The following DCAF1 variants were observed in gnomAD, a reference collection of about 807,000 sequenced individuals.
DCAF1 encodes the protein DDB1 and CUL4 associated factor 1.
Under a neutral mutation model 128.0 loss-of-function variants are expected in DCAF1, and 15 were observed. The ratio of observed to expected loss-of-function variants is 0.12; its 90% CI spans 0.08 to 0.18. The LOEUF (loss-of-function observed/expected upper bound fraction) is 0.18, where lower values mean the gene tolerates loss of function less well. Among genes scored for constraint, DCAF1 ranks in the 10% least tolerant of loss-of-function variants. DCAF1 has a pLI of 1.00. For synonymous variants in DCAF1, 610 were observed against 603.0 expected, an observed-to-expected ratio of 1.01 and a Z score of -0.17; for missense variants, 988 against 1,649.5, an observed-to-expected ratio of 0.60 and a Z score of 6.95.
At position 51,432,288 on chromosome 3, in the gene DCAF1, A is replaced by AAG. The variant is rs1553635810; in HGVS notation, c.1287+817_1287+818insCT. Among the ~76,000 whole-genome samples the AAG allele has an allele frequency of 6.7e-5, 10 of 148,790 alleles. No homozygotes were observed. The East Asian group carries it at 1.2e-3, about 18-fold the overall frequency. On this transcript the variant is annotated intron_variant, in intron 10 of 24. Coordinates refer to ENST00000684031, the MANE Select transcript of DCAF1 (RefSeq NM_001387579.1). ...TCTGTAAAAAAAAAAAAAAAAAAAAAGTATAAAAAGTAGCCAGGCATGGTG... is the reference window on the plus strand; with the variant it reads ...TCTGTAAAAAAAAAAAAAAAAAAAAAAGGTATAAAAAGTAGCCAGGCATGGTG...
At chr3:51,411,425 G>A (rs1348954610) in intron 23 of DCAF1, among the ~76,000 whole-genome samples, 4 of 149,700 alleles carry the variant, frequency 2.7e-5, no homozygotes, top group Non-Finnish European at 2.9e-5. Flanking sequence ...CCTGTAGGCT[G>A]GAAAAAATCT....
chr3:51,451,663 G>A (rs1288946316), intron 6 of DCAF1, among the ~76,000 whole-genome samples: 3 of 151,468 alleles, frequency 2.0e-5, no homozygotes, highest in Admixed American at 6.6e-5. Flanking sequence ...ACGGGAGGCC[G>A]AGGCAGGAGA....
intron 23 of DCAF1, among the ~76,000 whole-genome samples, chr3:51,408,736 G>A (rs1553627486): frequency 1.3e-5 from 2 of 152,276 alleles, no homozygotes; most frequent in South Asian, 2.1e-4. Context: ...GTATTATCCC[G>A]TATCTCTAAA....
intron 2 of DCAF1, among the ~76,000 whole-genome samples, chr3:51,484,494 T>G (rs1291867620): frequency 1.3e-5 from 2 of 151,622 alleles, no homozygotes; most frequent in Non-Finnish European, 2.9e-5. Flanking sequence ...AAAATAGATT[T>G]ACCTAATGCC....
chr3:51,450,369 C>A (rs1268015418), intron 6 of DCAF1, among the ~76,000 whole-genome samples: 1 of 152,048 alleles, frequency 6.6e-6, no homozygotes, highest in Non-Finnish European at 1.5e-5. Flanking sequence ...AAATCCTCAA[C>A]AAAATACTAG....
chr3:51,423,819 C>CAAA (rs200404018), intron 13 of DCAF1, among the ~76,000 whole-genome samples: 2 of 70,654 alleles, frequency 2.8e-5, no homozygotes, highest in Non-Finnish European at 3.2e-5. Flanking sequence ...GACTCCGTTT[C>CAAA]AAAAAAAAAA....
chr3:51,402,517 C>T (rs2089784637), intron 24 of DCAF1, among the ~76,000 whole-genome samples: 1 of 150,438 alleles, frequency 6.6e-6, no homozygotes, highest in Non-Finnish European at 1.5e-5. Flanking sequence ...TTTCTCACTA[C>T]AACAGCAGAG....
At chr3:51,461,612 C>T (rs1398988046) in intron 6 of DCAF1, among the ~76,000 whole-genome samples, 4 of 152,130 alleles carry the variant, frequency 2.6e-5, no homozygotes, top group East Asian at 1.9e-4. Flanking sequence ...CACATTCACA[C>T]GTATGTTTAT....
intron 2 of DCAF1, among the ~76,000 whole-genome samples, chr3:51,493,869 C>A (rs548925868): frequency 6.6e-6 from 1 of 151,268 alleles, no homozygotes; most frequent in Non-Finnish European, 1.5e-5. Flanking sequence ...TGGTGGCATG[C>A]GCCTGTAGTC....
chr3:51,411,514 C>G (rs1191676892), intron 23 of DCAF1, among the ~76,000 whole-genome samples: 1 of 152,120 alleles, frequency 6.6e-6, no homozygotes, highest in Non-Finnish European at 1.5e-5. Flanking sequence ...CGTAATACAA[C>G]CACAAATTAA....
intron 7 of DCAF1, among the ~76,000 whole-genome samples, chr3:51,442,140 C>T (rs1465031747): frequency 6.6e-6 from 1 of 152,150 alleles, no homozygotes; most frequent in Non-Finnish European, 1.5e-5. Flanking sequence ...ACATAAAATA[C>T]ATCATTGACA....
intron 2 of DCAF1, among the ~76,000 whole-genome samples, chr3:51,489,926 A>AC (rs1707438607): frequency 6.6e-6 from 1 of 152,148 alleles, no homozygotes; most frequent in African/African-American, 2.4e-5. Flanking sequence ...TCCTGTATAC[A>AC]GAAAATCCTA....
intron 13 of DCAF1, among the ~76,000 whole-genome samples, chr3:51,423,504 C>T (rs1446015677): frequency 9.0e-6 from 1 of 111,390 alleles, no homozygotes; most frequent in Non-Finnish European, 1.9e-5. Flanking sequence ...TCTGTCTCCA[C>T]AAAAAAAAAA....
chr3:51,470,885 TAAAAG>T (rs1704659679), intron 4 of DCAF1, 39 bp downstream of exon 4: 1 of 1,415,154 alleles, frequency 7.1e-7, no homozygotes, highest in South Asian at 1.4e-5. Context: ...AAAAGTGTCT[TAAAAG>T]AAAAAAAAAA....
chr3:51,435,934 T>C lies in DCAF1; in HGVS notation c.1129-2670A>G, dbSNP rs140545866. Among the ~76,000 whole-genome samples, 571 of 152,194 alleles carry C rather than the reference T, an allele frequency of 3.8e-3. 3 individuals carry two copies. Among genetic ancestry groups the C allele is most frequent in the African/African-American group, 0.013 (535 of 41,524 alleles). ...AAGCAGTTCGGCAAAGGGAAGATGA[T>C]TAAAGAAAAAGCAAGGAGAGTGTTG... On this transcript the variant is annotated intron_variant, in intron 9 of 24. Transcript: ENST00000684031.
intron 5 of DCAF1, among the ~76,000 whole-genome samples, chr3:51,465,218 T>C: frequency 6.6e-6 from 1 of 152,154 alleles, no homozygotes; most frequent in East Asian, 1.9e-4. Flanking sequence ...GTAAGTTCAC[T>C]GTATAAGAGA....
intron 9 of DCAF1, chr3:51,440,299 G>T: frequency 2.9e-6 from 1 of 345,802 alleles, no homozygotes; most frequent in Non-Finnish European, 5.7e-6. Context: ...AAAACACACA[G>T]GCACATCTCT....
intron 14 of DCAF1, among the ~76,000 whole-genome samples, 184 bp downstream of exon 14, chr3:51,422,123 T>C (rs185734670): frequency 6.6e-6 from 1 of 152,068 alleles, no homozygotes; most frequent in Non-Finnish European, 1.5e-5. Context: ...TTTTTTGGTT[T>C]TTTTTTTTAA....
At chr3:51,435,567 C>T (rs1268197086) in intron 9 of DCAF1, among the ~76,000 whole-genome samples, 6 of 152,130 alleles carry the variant, frequency 3.9e-5, no homozygotes, top group South Asian at 2.1e-4. Flanking sequence ...AAAAATTAGC[C>T]GGCCATGGTG....
Sources: gnomAD v4.1 joint callset for allele counts (sites outside exome capture counted in the v4.1 genomes callset) on GRCh38, gnomAD v4.1.1 for gene constraint, MANE v1.5 for transcripts, NCBI Gene and HGNC (gene_info 2026-07-23, HGNC 2026-07-21) for gene names.